NEDD1: variants seen among roughly 807,000 people sequenced by gnomAD.
The protein encoded by NEDD1 is NEDD1 gamma-tubulin ring complex targeting factor.
NEDD1 carries 33 observed loss-of-function variants against 74.0 expected under a neutral mutation model. The observed-to-expected ratio is 0.45, with a 90% confidence interval of 0.34 to 0.60. The LOEUF (loss-of-function observed/expected upper bound fraction) is 0.60. Ranked by LOEUF, NEDD1 falls within the 20% of genes least tolerant of loss-of-function variation. The probability of loss-of-function intolerance (pLI) is 0.01; values close to 1 mark genes in which losing one functional copy is unlikely to be tolerated. For missense variants in NEDD1, 746 were observed against 776.5 expected, an observed-to-expected ratio of 0.96 and a Z score of 0.47; for synonymous variants, 250 against 264.4, an observed-to-expected ratio of 0.95 and a Z score of 0.53.
chr12:96,944,762 T>G lies in NEDD1; in HGVS notation c.1621T>G (p.Cys541Gly), dbSNP rs778045624. The G allele has an allele frequency of 6.3e-7, 1 of 1,581,124 alleles. No individual in the cohort carries two copies. Among genetic ancestry groups the G allele is most frequent in the South Asian group, 1.2e-5 (1 of 84,996 alleles). ...PENEIEAQLI[C>G]EPPINGSSTP... ...GAATGAAATTGAAGCCCAGTTGATA[T>G]GTGAACCCCCAATCAATGGATCCTC... Residue 541 changes from cysteine to glycine, a missense_variant, in exon 13 of 16, where the codon TGT becomes GGT. Around this residue, in one of 3 missense-constraint regions of NEDD1, gnomAD observed 706 missense variants for 706.7 expected, o/e 1.00. Coordinates refer to ENST00000266742, the MANE Select transcript of NEDD1 (RefSeq NM_152905.4).
intron 4 of NEDD1, among the ~76,000 whole-genome samples, chr12:96,913,966 A>G (rs1304058749): frequency 6.6e-6 from 1 of 152,172 alleles, no homozygotes; most frequent in African/African-American, 2.4e-5. Flanking sequence ...CATGATTTTT[A>G]TCAATCCTCT....
intron 14 of NEDD1, among the ~76,000 whole-genome samples, chr12:96,947,508 G>A: frequency 6.6e-6 from 1 of 152,190 alleles, no homozygotes; most frequent in East Asian, 1.9e-4. Flanking sequence ...CACAGGTAAT[G>A]GAGAGCCATC....
intron 6 of NEDD1, among the ~76,000 whole-genome samples, chr12:96,933,760 G>A (rs190399960): frequency 8.0e-4 from 121 of 152,052 alleles, no homozygotes; most frequent in Middle Eastern, 3.4e-3. Context: ...TTAGAATTAA[G>A]TAGAATATAA....
In NEDD1 at chr12:96,952,629, A is replaced by G. The variant is rs1218484649; in HGVS notation, c.*576A>G. ...CAATTTTTGGAATTTTGAATTGCAC[A>G]AATTACATGATATCTTTTGCATTTA... On this transcript the variant is annotated 3_prime_UTR_variant, in exon 16 of 16. Transcript: ENST00000266742. 1.3e-5 allele frequency: 2 copies of G among 151,824 alleles called. No individual in the cohort carries two copies. Among genetic ancestry groups the G allele is most frequent in the African/African-American group, 4.8e-5 (2 of 41,428 alleles). 9.4% of individuals were successfully genotyped at this position (151,824 alleles called of 1,614,324 possible). A position where few individuals can be genotyped will look rare whatever the true frequency, so the allele number is the denominator to read the frequency against.
intron 6 of NEDD1, among the ~76,000 whole-genome samples, chr12:96,922,288 TTTTA>T (rs1258864372): frequency 1.5e-5 from 2 of 130,734 alleles, no homozygotes; most frequent in Non-Finnish European, 3.3e-5. Context: ...GTGATTTCTT[TTTTA>T]TTTATATTTT....
intron 1 of NEDD1, 45 bp downstream of exon 1, chr12:96,907,345 C>T (rs1185696179): frequency 2.6e-5 from 10 of 390,474 alleles, no homozygotes; most frequent in Non-Finnish European, 4.1e-5. Context: ...CCGCCCGCCG[C>T]GTCCGCGCAC....
chr12:96,912,609 C>A, intron 3 of NEDD1, 114 bp from the exon 4 acceptor site: 1 of 606,886 alleles, frequency 1.6e-6, no homozygotes, highest in South Asian at 2.3e-5. Flanking sequence ...ACTCTGTAAG[C>A]TATACTCATT....
chr12:96,948,672 T>G (rs947236446), intron 14 of NEDD1, among the ~76,000 whole-genome samples: 2 of 152,202 alleles, frequency 1.3e-5, no homozygotes, highest in Non-Finnish European at 2.9e-5. Context: ...AAGATTTAAG[T>G]TTCTTTTGGC....
chr12:96,924,133 A>G (rs1415969273), intron 6 of NEDD1, among the ~76,000 whole-genome samples: 1 of 152,214 alleles, frequency 6.6e-6, no homozygotes, highest in Non-Finnish European at 1.5e-5. Flanking sequence ...AGACCAACCT[A>G]TCCCCACTGA....
chr12:96,916,942 T>C lies in NEDD1; in HGVS notation c.232-679T>C, dbSNP rs1008125585. Among the ~76,000 whole-genome samples, 7 of 152,274 alleles carry C rather than the reference T, an allele frequency of 4.6e-5. No individual in the cohort carries two copies. In the East Asian group the frequency reaches 1.4e-3, roughly 29 times the overall value. ...TAAAGGGGAGCCCATGTGGGATTCA[T>C]TCTTGGGTTGGAGTTTAGAGAGCTT... is the stretch of plus-strand genomic sequence containing the variant. On this transcript the variant is annotated intron_variant, in intron 4 of 15. Transcript: ENST00000266742.
chr12:96,948,403 T>A (rs1878403025), intron 14 of NEDD1, among the ~76,000 whole-genome samples: 1 of 152,324 alleles, frequency 6.6e-6, no homozygotes, highest in African/African-American at 2.4e-5. Context: ...CTAGTTCTTT[T>A]TACTCTGTCA....
Position 96,951,769 on chromosome 12 carries a change from C to T in NEDD1, c.1879-180C>T, listed in dbSNP as rs990797410. 1.1e-3 allele frequency among the ~76,000 whole-genome samples: 170 copies of T among 151,798 alleles called. 1 individual carries two copies. Among genetic ancestry groups the T allele is most frequent in the African/African-American group, 3.9e-3 (163 of 41,518 alleles). On this transcript the variant is annotated intron_variant, in intron 15 of 15. Transcript: ENST00000266742. ...TGCAAATATAAATTTTCCAAATATA[C>T]TAATTTCACCAACGATCTTCCATTT...
At chr12:96,926,135 G>A (rs1592887433) in intron 6 of NEDD1, among the ~76,000 whole-genome samples, 1 of 151,918 alleles carries the variant, frequency 6.6e-6, no homozygotes, top group East Asian at 1.9e-4. Flanking sequence ...AGCTTTTAAT[G>A]AATACCAATC....
chr12:96,924,765 A>G (rs1875510051), intron 6 of NEDD1: 1 of 423,984 alleles, frequency 2.4e-6, no homozygotes, highest in Admixed American at 2.8e-5. Context: ...TCTGTGAATG[A>G]TAAGTTTTTA....
chr12:96,917,764 G>C (rs747244641), intron 5 of NEDD1, 27 bp downstream of exon 5: 1 of 1,533,942 alleles, frequency 6.5e-7, no homozygotes, highest in Non-Finnish European at 8.7e-7. Context: ...AAATCTTCAT[G>C]AAAAAATGGA....
chr12:96,935,220 C>T lies in NEDD1; in HGVS notation c.719+15C>T, dbSNP rs769132307. 1 of 1,357,350 alleles carries T rather than the reference C, an allele frequency of 7.4e-7. No individual in the cohort carries two copies. Among genetic ancestry groups the T allele is most frequent in the East Asian group, 2.3e-5 (1 of 43,698 alleles). The allele number at this position is 1,357,350 out of a possible 1,614,324, so 84.1% of individuals were successfully genotyped here. On this transcript the variant is annotated intron_variant, in intron 7 of 15. Coordinates refer to ENST00000266742, the MANE Select transcript of NEDD1 (RefSeq NM_152905.4). ...TCAAGTAAGAAGTAAGTGTGACATG[C>T]TTATTTCTTAATTTAGTAACAAATA...
chr12:96,907,725 T>C lies in NEDD1; in HGVS notation c.-140T>C, dbSNP rs1429793380. The C allele has an allele frequency of 6.5e-7, 1 of 1,549,438 alleles. No homozygotes were observed. The highest frequency in any genetic ancestry group is 1.4e-5 in the African/African-American group (1 of 72,998). ...AGCTGAGTGGTGTAGTTGAATTGGT[T>C]CCTGTAGCCGCTGTCCCTAAACCCA... On this transcript the variant is annotated 5_prime_UTR_variant, in exon 2 of 16. Coordinates refer to ENST00000266742, the MANE Select transcript of NEDD1 (RefSeq NM_152905.4).
chr12:96,917,784 G>A (rs920187916), intron 5 of NEDD1, 47 bp downstream of exon 5: 2 of 1,515,308 alleles, frequency 1.3e-6, no homozygotes, highest in Admixed American at 2.5e-5. Context: ...ATATCTTAAT[G>A]CATTTAGAGT....
chr12:96,917,768 A>C, intron 5 of NEDD1, 31 bp downstream of exon 5: 1 of 1,536,322 alleles, frequency 6.5e-7, no homozygotes, highest in Non-Finnish European at 8.7e-7. Context: ...CTTCATGAAA[A>C]AATGGATATC....
Sources: allele counts gnomAD v4.1 joint callset (sites outside exome capture counted in the v4.1 genomes callset), GRCh38; gene constraint gnomAD v4.1.1; regional missense constraint gnomAD v4.1.1; transcripts MANE v1.5; gene names NCBI Gene and HGNC (gene_info 2026-07-23, HGNC 2026-07-21).